Variants in NKAIN2 observed in about 807,000 individuals in gnomAD.
NKAIN2 encodes the protein sodium/potassium-transporting ATPase subunit beta-1-interacting protein 2.
Under a neutral mutation model 32.6 loss-of-function variants are expected in NKAIN2, and 14 were observed. The ratio of observed to expected loss-of-function variants is 0.43; its 90% CI spans 0.28 to 0.67. NKAIN2 has a LOEUF of 0.67. Ranked by LOEUF, NKAIN2 falls within the 30% of genes least tolerant of loss-of-function variation. The probability of loss-of-function intolerance (pLI) is 0.17; values close to 1 mark genes in which losing one functional copy is unlikely to be tolerated. For synonymous variants in NKAIN2, 80 were observed against 87.2 expected, an observed-to-expected ratio of 0.92 and a Z score of 0.46; for missense variants, 198 against 258.3, an observed-to-expected ratio of 0.77 and a Z score of 1.60.
At chr6:124,047,434 T>TTCTCTC (rs746006911) in intron 1 of NKAIN2, among the ~76,000 whole-genome samples, 1 of 146,582 alleles carries the variant, frequency 6.8e-6, no homozygotes, top group Non-Finnish European at 1.5e-5. Context: ...GAAATTTACT[T>TTCTCTC]TCTCTCTCTC....
At chr6:124,170,217 C>T (rs1163681407) in intron 1 of NKAIN2, among the ~76,000 whole-genome samples, 2 of 152,154 alleles carry the variant, frequency 1.3e-5, no homozygotes, top group Non-Finnish European at 2.9e-5. Context: ...TGCACTCTCT[C>T]TTTTTCCACT....
chr6:124,758,320 G>A (rs188732733), intron 4 of NKAIN2, among the ~76,000 whole-genome samples: 66 of 152,106 alleles, frequency 4.3e-4, no homozygotes, highest in African/African-American at 1.5e-3. Context: ...GGGCCTGTTG[G>A]AGGTGATTAA....
chr6:124,405,302 GT>G (rs1187902625), intron 3 of NKAIN2, among the ~76,000 whole-genome samples: 1 of 152,122 alleles, frequency 6.6e-6, no homozygotes, highest in Non-Finnish European at 1.5e-5. Flanking sequence ...AACAAGAAAA[GT>G]TTTTGCAGAA....
Position 124,009,082 on chromosome 6 carries a change from T to C in NKAIN2, c.54+204828T>C, listed in dbSNP as rs563777522. Reference sequence around the variant, plus strand: ...CTCTATTTGATGTATAAATTAACACTGATCACCATAAATTTACACTGTACA... The same window carrying C: ...CTCTATTTGATGTATAAATTAACACCGATCACCATAAATTTACACTGTACA... On this transcript the variant is annotated intron_variant, in intron 1 of 6. Transcript: ENST00000368417. 5.3e-5 allele frequency among the ~76,000 whole-genome samples: 8 copies of C among 152,336 alleles called. No individual in the cohort carries two copies. The South Asian group carries it at 1.7e-3, about 32-fold the overall frequency.
chr6:123,973,382 A>T (rs890257942), intron 1 of NKAIN2, among the ~76,000 whole-genome samples: 6 of 152,112 alleles, frequency 3.9e-5, no homozygotes, highest in African/African-American at 1.4e-4. Flanking sequence ...AAATGGGGAA[A>T]GATAACAGGA....
At chr6:124,345,178 G>T (rs1390655355) in intron 2 of NKAIN2, among the ~76,000 whole-genome samples, 1 of 152,156 alleles carries the variant, frequency 6.6e-6, no homozygotes, top group Non-Finnish European at 1.5e-5. Flanking sequence ...TCCCAGGGAT[G>T]AAGTCCACTT....
In NKAIN2 at chr6:124,169,832, C is replaced by T. The variant is rs146687923; in HGVS notation, c.55-113173C>T. ...ACCATTGGGGTGGAACGGACTTTCA[C>T]CCCAGACTCACTTATTCAGAAATCG... On this transcript the variant is annotated intron_variant, in intron 1 of 6. Coordinates refer to ENST00000368417, the MANE Select transcript of NKAIN2 (RefSeq NM_001040214.3). Among the ~76,000 whole-genome samples, 97 of 152,224 alleles carry T rather than the reference C, an allele frequency of 6.4e-4. 1 individual carries two copies. Among genetic ancestry groups the T allele is most frequent in the Middle Eastern group, 3.4e-3 (1 of 294 alleles).
intron 3 of NKAIN2, among the ~76,000 whole-genome samples, chr6:124,442,793 A>G (rs1343317354): frequency 6.6e-6 from 1 of 152,184 alleles, no homozygotes; most frequent in Admixed American, 6.6e-5. Context: ...TTGCTCCAGG[A>G]TCATACAGTC....
chr6:124,226,130 A>G (rs1439684313), intron 1 of NKAIN2, among the ~76,000 whole-genome samples: 1 of 151,966 alleles, frequency 6.6e-6, no homozygotes, highest in Non-Finnish European at 1.5e-5. Context: ...TACTACAAAA[A>G]GCTTGGAAAT....
At chr6:124,208,893 A>G (rs1014029084) in intron 1 of NKAIN2, among the ~76,000 whole-genome samples, 2 of 151,712 alleles carry the variant, frequency 1.3e-5, no homozygotes, top group African/African-American at 4.8e-5. Context: ...ATGCAGGTAT[A>G]GAATGTGCAA....
chr6:124,042,849 G>A (rs998082166), intron 1 of NKAIN2, among the ~76,000 whole-genome samples: 4 of 152,096 alleles, frequency 2.6e-5, no homozygotes, highest in Non-Finnish European at 5.9e-5. Context: ...TTGTATTTAC[G>A]TTCATGTAAA....
intron 3 of NKAIN2, among the ~76,000 whole-genome samples, chr6:124,455,040 A>C (rs927169346): frequency 3.9e-5 from 6 of 152,074 alleles, no homozygotes; most frequent in African/African-American, 1.4e-4. Context: ...TTATTTAAAA[A>C]ATTAAAGTCA....
At chr6:124,557,712 A>G (rs893573604) in intron 3 of NKAIN2, among the ~76,000 whole-genome samples, 1 of 152,210 alleles carries the variant, frequency 6.6e-6, no homozygotes, top group East Asian at 1.9e-4. Context: ...GTCAGACAGA[A>G]AGCATAATTT....
chr6:123,983,556 A>T lies in NKAIN2; in HGVS notation c.54+179302A>T, dbSNP rs924671166. Among the ~76,000 whole-genome samples the T allele has an allele frequency of 3.3e-5, 5 of 152,258 alleles. No homozygotes were observed. In the East Asian group the frequency reaches 9.7e-4, roughly 29 times the overall value. On this transcript the variant is annotated intron_variant, in intron 1 of 6. Transcript: ENST00000368417. ...ATTAATATATCTGTTGACATTTTCC[A>T]TATTACCATTTTTAGCTTCTTAACC...
At chr6:123,997,655 G>A (rs370338934) in intron 1 of NKAIN2, among the ~76,000 whole-genome samples, 6 of 143,926 alleles carry the variant, frequency 4.2e-5, no homozygotes, top group African/African-American at 1.5e-4. Flanking sequence ...CCAGGCTGGA[G>A]TGCAGTGGCG....
chr6:124,727,654 G>A lies in NKAIN2; in HGVS notation c.475-63685G>A, dbSNP rs538947213. Among the ~76,000 whole-genome samples, 3 of 150,392 alleles carry A rather than the reference G, an allele frequency of 2.0e-5. No homozygotes were observed. In the East Asian group the frequency reaches 5.9e-4, roughly 30 times the overall value. On this transcript the variant is annotated intron_variant, in intron 4 of 6. Coordinates refer to ENST00000368417, the MANE Select transcript of NKAIN2 (RefSeq NM_001040214.3). ...CTAGGAAGAAACTCCATCAACTAACGAGCAAAATAAGCAACTAACATCATA... is the reference window on the plus strand; with the variant it reads ...CTAGGAAGAAACTCCATCAACTAACAAGCAAAATAAGCAACTAACATCATA...
chr6:124,531,048 C>G (rs1044771645), intron 3 of NKAIN2, among the ~76,000 whole-genome samples: 1 of 152,176 alleles, frequency 6.6e-6, no homozygotes, highest in African/African-American at 2.4e-5. Flanking sequence ...TACCAGCTAT[C>G]TGGATATCCC....
In NKAIN2 at chr6:123,976,298, CAT is replaced by C. The variant is rs1233600464; in HGVS notation, c.54+172051_54+172052del. On this transcript the variant is annotated intron_variant, in intron 1 of 6. Transcript: ENST00000368417. ...ATATATGTTTCCATATATATGTTTC[CAT>C]ATATATGTTTCCATATATATATATG... 1.2e-4 allele frequency among the ~76,000 whole-genome samples: 7 copies of C among 58,534 alleles called. 1 individual carries two copies. Among genetic ancestry groups the C allele is most frequent in the Non-Finnish European group, 2.6e-4 (7 of 26,584 alleles). The allele number at this position is 58,534 out of a possible 152,430, so 38.4% of individuals were successfully genotyped here. A position where few individuals can be genotyped will look rare whatever the true frequency, so the allele number is the denominator to read the frequency against.
At chr6:124,598,645 G>A (rs893241035) in intron 3 of NKAIN2, among the ~76,000 whole-genome samples, 1 of 146,722 alleles carries the variant, frequency 6.8e-6, no homozygotes, top group Non-Finnish European at 1.5e-5. Flanking sequence ...CTGGATAGGT[G>A]AGCCCAATAG....
Sources: allele counts gnomAD v4.1 joint callset (sites outside exome capture counted in the v4.1 genomes callset), GRCh38; gene constraint gnomAD v4.1.1; transcripts MANE v1.5; gene names NCBI Gene and HGNC (gene_info 2026-07-23, HGNC 2026-07-21).